The following LOXL4 variants were observed in gnomAD, a reference collection of about 807,000 sequenced individuals.
The protein encoded by LOXL4 is lysyl oxidase like 4.
In LOXL4, 72 loss-of-function variants were observed where a neutral mutation model predicts 89.1. The ratio of observed to expected loss-of-function variants is 0.81; its 90% confidence interval spans 0.67 to 0.98. The LOEUF is 0.98. Among genes scored for constraint, LOXL4 ranks in the 50% least tolerant of loss-of-function variants. The probability of loss-of-function intolerance (pLI) is 0.00; values close to 1 mark genes in which losing one functional copy is unlikely to be tolerated. For synonymous variants in LOXL4, 355 were observed against 392.1 expected (o/e 0.91, Z 1.12); for missense variants, 984 against 1,017.5 (o/e 0.97, Z 0.45).
intron 14 of LOXL4, among the ~76,000 whole-genome samples, chr10:98,250,284 G>C (rs550660218): frequency 1.3e-5 from 2 of 152,300 alleles, no homozygotes; most frequent in South Asian, 4.1e-4. Context: ...GTTGCTTTCT[G>C]TCTGTGCTTG....
chr10:98,264,577 G>A (rs760447561), intron 1 of LOXL4, among the ~76,000 whole-genome samples: 17 of 151,952 alleles, frequency 1.1e-4, no homozygotes, highest in Non-Finnish European at 2.2e-4. Context: ...GTCTCCAGGA[G>A]GCTGTAATCA....
chr10:98,260,848 C>T lies in LOXL4; in HGVS notation c.662+74G>A, dbSNP rs538900403. On this transcript the variant is annotated intron_variant, in intron 4 of 14. Transcript: ENST00000260702. ...ATGCACACACCCTACATCACATGCA[C>T]GCACATGAACACACACTCAGTCCCT... is the stretch of plus-strand genomic sequence containing the variant. The T allele has an allele frequency of 2.8e-5, 41 of 1,439,456 alleles. No homozygotes were observed. The East Asian group carries it at 5.9e-4, about 21-fold the overall frequency. The allele number at this position is 1,439,456 out of a possible 1,614,324, so 89.2% of individuals were successfully genotyped here. A position where few individuals can be genotyped will look rare whatever the true frequency, so the allele number is the denominator to read the frequency against.
Position 98,257,980 on chromosome 10 carries a change from C to A in LOXL4, c.1105+1G>T. Reference sequence around the variant, plus strand: ...AACCCCTCCCAGGCTGTCTCACTCACCTTGGCCCAGCCGGGCCCCAAAGAG... The same window carrying A: ...AACCCCTCCCAGGCTGTCTCACTCAACTTGGCCCAGCCGGGCCCCAAAGAG... On this transcript the variant is annotated splice_donor_variant, in intron 7 of 14. Coordinates refer to ENST00000260702, the MANE Select transcript of LOXL4 (RefSeq NM_032211.7). LOFTEE classifies it high-confidence loss of function. The A allele has an allele frequency of 6.2e-7, 1 of 1,613,694 alleles. No homozygotes were observed. Among genetic ancestry groups the A allele is most frequent in the Non-Finnish European group, 8.5e-7 (1 of 1,179,878 alleles).
intron 12 of LOXL4, 187 bp from the exon 13 acceptor site, chr10:98,251,889 C>T (rs1858203535): frequency 3.0e-6 from 2 of 672,346 alleles, no homozygotes; most frequent in Non-Finnish European, 4.9e-6. Context: ...TGTTTGACTG[C>T]TCCAGTGCAA....
intron 6 of LOXL4, among the ~76,000 whole-genome samples, 197 bp from the exon 7 acceptor site, chr10:98,258,361 T>C (rs1042649351): frequency 6.6e-6 from 1 of 151,310 alleles, no homozygotes; most frequent in Non-Finnish European, 1.5e-5. Flanking sequence ...TCTCCATTTC[T>C]TCAATGACCA....
chr10:98,262,923 G>A lies in LOXL4; in HGVS notation c.97C>T (p.Arg33Trp), dbSNP rs760900769. 51 of 1,613,550 alleles carry A rather than the reference G, an allele frequency of 3.2e-5. No homozygotes were observed. The highest frequency in any genetic ancestry group is 3.3e-4 in the Middle Eastern group (2 of 6,072). ...RPQSLGTTKL[R>W]LVGPESKPEE... is the part of the protein sequence containing the mutation. ...GGCTTGCTCTCTGGGCCCACCAGCC[G>A]GAGCTTAGTGGTGCCCAGTGACTGT... Residue 33 changes from arginine to tryptophan, a missense_variant, in exon 2 of 15, where the codon CGG becomes TGG. Coordinates refer to ENST00000260702, the MANE Select transcript of LOXL4 (RefSeq NM_032211.7).
chr10:98,254,930 C>A (rs905150106), intron 10 of LOXL4, among the ~76,000 whole-genome samples: 1 of 152,198 alleles, frequency 6.6e-6, no homozygotes, highest in Non-Finnish European at 1.5e-5. Flanking sequence ...TGGCCACGAA[C>A]AAGGTCAAGT....
intron 2 of LOXL4, 54 bp from the exon 3 acceptor site, chr10:98,262,267 C>A: frequency 6.3e-7 from 1 of 1,591,122 alleles, no homozygotes; most frequent in South Asian, 1.1e-5. Flanking sequence ...GTCACAGGCT[C>A]TGCCTCCTGC....
intron 12 of LOXL4, 102 bp downstream of exon 12, chr10:98,252,251 G>T: frequency 1.2e-6 from 1 of 809,008 alleles, no homozygotes; most frequent in Non-Finnish European, 2.0e-6. Flanking sequence ...GTCTCCAGGT[G>T]CCCTGGGCTG....
rs565822826 is a variant in LOXL4, at chr10:98,253,824, C to T, written c.1592-28G>A. The T allele has an allele frequency of 8.7e-6, 14 of 1,612,410 alleles. No homozygotes were observed. The South Asian group carries it at 1.4e-4, about 16-fold the overall frequency. ...GGGGCGGCGGAGGGCATGGCAGTGA[C>T]TCAAAGGGTGGAAAGGCAGCCAGTC... is the stretch of plus-strand genomic sequence containing the variant. On this transcript the variant is annotated intron_variant, in intron 10 of 14. Coordinates refer to ENST00000260702, the MANE Select transcript of LOXL4 (RefSeq NM_032211.7).
intron 2 of LOXL4, 62 bp from the exon 3 acceptor site, chr10:98,262,275 T>A: frequency 6.4e-7 from 1 of 1,551,576 alleles, no homozygotes; most frequent in East Asian, 2.2e-5. Context: ...CTCTGCCTCC[T>A]GCATAGGACC....
At chr10:98,257,019 G>T (rs1291506593) in intron 8 of LOXL4, 72 bp from the exon 9 acceptor site, 4 of 1,527,830 alleles carry the variant, frequency 2.6e-6, no homozygotes, top group Admixed American at 2.0e-5. Flanking sequence ...GAGCCTGGAG[G>T]TCTGCCCAAG....
rs773637042 is a variant in LOXL4 at position 98,258,131 on chromosome 10, C to T, written c.955G>A (p.Val319Met). The T allele has an allele frequency of 6.2e-7, 1 of 1,612,852 alleles. No homozygotes were observed. The highest frequency in any genetic ancestry group is 1.3e-5 in the African/African-American group (1 of 74,942). ...AGCACTTCCACCCGGCCCTCGCCCACCTGGGCCCCGGAGCGCAGGCGCACC... is the reference window on the plus strand; with the variant it reads ...AGCACTTCCACCCGGCCCTCGCCCATCTGGGCCCCGGAGCGCAGGCGCACC... ...PRVRLRSGAQ[V>M]GEGRVEVLMN... Residue 319 changes from valine to methionine, a missense_variant, in exon 7 of 15, where the codon GTG becomes ATG. Coordinates refer to ENST00000260702, the MANE Select transcript of LOXL4 (RefSeq NM_032211.7).
chr10:98,264,154 C>T (rs1356166008), intron 1 of LOXL4, among the ~76,000 whole-genome samples: 1 of 151,552 alleles, frequency 6.6e-6, no homozygotes, highest in Non-Finnish European at 1.5e-5. Context: ...ATTCAATACA[C>T]ATTTTTGGAA....
chr10:98,262,945 C>T lies in LOXL4; in HGVS notation c.75G>A (p.Gln25=), dbSNP rs1265341556. 1.2e-6 allele frequency: 2 copies of T among 1,613,732 alleles called. No homozygotes were observed. The highest frequency in any genetic ancestry group is 3.3e-5 in the Admixed American group (2 of 60,034). The change falls in exon 2 of 15, where the codon CAG becomes CAA. Residue 25 remains glutamine (Q), a synonymous_variant. Coordinates refer to ENST00000260702, the MANE Select transcript of LOXL4 (RefSeq NM_032211.7). ...GCCGGAGCTTAGTGGTGCCCAGTGA[C>T]TGTGGCCTGCTGGGAGGGGGCTGGC... ...LLGQPPPSRP[Q]SLGTTKLRLV...
chr10:98,252,520 C>G, intron 11 of LOXL4, 52 bp from the exon 12 acceptor site: 3 of 1,281,642 alleles, frequency 2.3e-6, no homozygotes, highest in Non-Finnish European at 3.4e-6. Flanking sequence ...AGGGTCCTCT[C>G]TGGAGGGGCT....
Position 98,248,562 on chromosome 10 carries a change from C to T in LOXL4, c.*359G>A. ...CCTCCAAGACATTTGCAAAGCACCACTTAGATGGGGGACTGGGCCATAGTC... is the reference window on the plus strand; with the variant it reads ...CCTCCAAGACATTTGCAAAGCACCATTTAGATGGGGGACTGGGCCATAGTC... On this transcript the variant is annotated 3_prime_UTR_variant, in exon 15 of 15. Transcript: ENST00000260702. The T allele has an allele frequency of 4.3e-6, 1 of 234,642 alleles. No individual in the cohort carries two copies. The highest frequency in any genetic ancestry group is 2.3e-5 in the African/African-American group (1 of 44,210). The allele number at this position is 234,642 out of a possible 1,614,324, so 14.5% of individuals were successfully genotyped here.
intron 1 of LOXL4, among the ~76,000 whole-genome samples, chr10:98,264,333 G>A (rs1279431289): frequency 2.1e-5 from 3 of 145,840 alleles, no homozygotes; most frequent in Non-Finnish European, 4.5e-5. Context: ...AGGGGCATTC[G>A]AGATACAGAG....
intron 1 of LOXL4, among the ~76,000 whole-genome samples, chr10:98,263,383 CA>C (rs1858600871): frequency 6.6e-6 from 1 of 152,210 alleles, no homozygotes; most frequent in South Asian, 2.1e-4. Context: ...AAGTGCTTAG[CA>C]AAGTCCTAGC....
Sources: gnomAD v4.1 joint callset for allele counts (sites outside exome capture counted in the v4.1 genomes callset) on GRCh38, gnomAD v4.1.1 for gene constraint, MANE v1.5 for transcripts, NCBI Gene and HGNC (gene_info 2026-07-23, HGNC 2026-07-21) for gene names.